TCTN2: variants seen among roughly 807,000 people sequenced by gnomAD.
TCTN2 encodes tectonic family member 2.
Under a neutral mutation model 83.4 loss-of-function variants are expected in TCTN2, and 66 were observed. The ratio of observed to expected loss-of-function variants is 0.79; its 90% CI spans 0.65 to 0.97. TCTN2 has a LOEUF of 0.97. Among genes scored for constraint, TCTN2 ranks in the 50% least tolerant of loss-of-function variants. TCTN2 has a pLI of 0.00. For missense variants in TCTN2, 794 were observed against 858.1 expected, an observed-to-expected ratio of 0.93 and a Z score of 0.93; for synonymous variants, 301 against 326.7, an observed-to-expected ratio of 0.92 and a Z score of 0.85.
At chr12:123,674,844 C>A (rs1300401332) in intron 4 of TCTN2, among the ~76,000 whole-genome samples, 1 of 152,106 alleles carries the variant, frequency 6.6e-6, no homozygotes, top group Admixed American at 6.5e-5. Flanking sequence ...AAGTTTACAT[C>A]ATTTCCAGCT....
chr12:123,676,290 C>G (rs756969500), intron 4 of TCTN2, among the ~76,000 whole-genome samples: 3 of 150,838 alleles, frequency 2.0e-5, no homozygotes, highest in African/African-American at 7.3e-5. Context: ...AAAAAAAGAC[C>G]GGGCGCGGTG....
At chr12:123,688,405 C>T (rs1213069697) in intron 7 of TCTN2, among the ~76,000 whole-genome samples, 2 of 151,870 alleles carry the variant, frequency 1.3e-5, no homozygotes, top group Non-Finnish European at 2.9e-5. Context: ...TTAGTACAGA[C>T]GGGGTTTCAC....
In TCTN2 at chr12:123,675,052, A is replaced by T. The variant is rs201857291; in HGVS notation, c.463+1242A>T. Among the ~76,000 whole-genome samples, 28 of 151,868 alleles carry T rather than the reference A, an allele frequency of 1.8e-4. No homozygotes were observed. The East Asian group carries it at 5.3e-3, about 29-fold the overall frequency. On this transcript the variant is annotated intron_variant, in intron 4 of 17. Coordinates refer to ENST00000303372, the MANE Select transcript of TCTN2 (RefSeq NM_024809.5). ...ACCACCACACCTGGCTAGTTTTTACATTTTTTGTAGAGACAGGGTCTCACT... is the reference window on the plus strand; with the variant it reads ...ACCACCACACCTGGCTAGTTTTTACTTTTTTTGTAGAGACAGGGTCTCACT...
intron 9 of TCTN2, among the ~76,000 whole-genome samples, chr12:123,693,461 T>G (rs1274559543): frequency 8.1e-6 from 1 of 123,100 alleles, no homozygotes; most frequent in Non-Finnish European, 1.8e-5. Context: ...CAGATTTTTT[T>G]TTTTTTTTTG....
At chr12:123,705,759 C>CT (rs35532522) in intron 15 of TCTN2, among the ~76,000 whole-genome samples, 7,599 of 140,780 alleles carry the variant, frequency 0.054, 336 homozygotes, top group African/African-American at 0.11. Context: ...TTCTTTCTTT[C>CT]TTTTTTTTTT....
At chr12:123,694,755 A>AGGCCAC (rs1956086631) in intron 9 of TCTN2, 87 bp from the exon 10 acceptor site, 1 of 1,311,652 alleles carries the variant, frequency 7.6e-7, no homozygotes, top group African/African-American at 1.5e-5. Context: ...CACTTGGGGA[A>AGGCCAC]GGCCACGCAA....
chr12:123,704,541 C>G lies in TCTN2; in HGVS notation c.1622C>G (p.Ala541Gly), dbSNP rs1400415350. ...CTTAACATTTCTATAGGTGTAGATG[C>G]CCCTGATCCAGGTGCAGACCCGCTG... is the stretch of plus-strand genomic sequence containing the variant. ...DGWLEIIRVDAPDPGADPLAS... is the reference protein window; with the variant it reads ...DGWLEIIRVDGPDPGADPLAS... The change falls in exon 15 of 18, where the codon GCC becomes GGC. Residue 541 changes from alanine to glycine, a missense_variant. Coordinates refer to ENST00000303372, the MANE Select transcript of TCTN2 (RefSeq NM_024809.5). 1 of 1,609,360 alleles carries G rather than the reference C, an allele frequency of 6.2e-7. No homozygotes were observed. Among genetic ancestry groups the G allele is most frequent in the Non-Finnish European group, 8.5e-7 (1 of 1,178,212 alleles).
chr12:123,698,660 G>C (rs1421164891), intron 13 of TCTN2, among the ~76,000 whole-genome samples: 1 of 151,798 alleles, frequency 6.6e-6, no homozygotes, highest in East Asian at 1.9e-4. Context: ...CAAACTGCTG[G>C]GCTCAAACGA....
chr12:123,690,480 T>A, intron 7 of TCTN2, 53 bp from the exon 8 acceptor site: 3 of 1,613,360 alleles, frequency 1.9e-6, no homozygotes, highest in Non-Finnish European at 2.5e-6. Flanking sequence ...TGATCTGTTT[T>A]GTATGATTAG....
At chr12:123,672,157 T>A (rs769275581) in intron 3 of TCTN2, 25 bp downstream of exon 3, 110 of 1,607,856 alleles carry the variant, frequency 6.8e-5, no homozygotes, top group Non-Finnish European at 8.3e-5. Flanking sequence ...AAACCTTCTC[T>A]GTAGCCTGTG....
Position 123,686,927 on chromosome 12 carries a change from G to A in TCTN2, c.656G>A (p.Cys219Tyr). 2 of 1,614,160 alleles carry A rather than the reference G, an allele frequency of 1.2e-6. No homozygotes were observed. The highest frequency in any genetic ancestry group is 1.7e-6 in the Non-Finnish European group (2 of 1,180,034). The change falls in exon 6 of 18, where the codon TGC becomes TAC. Residue 219 changes from cysteine to tyrosine, a missense_variant. Coordinates refer to ENST00000303372, the MANE Select transcript of TCTN2 (RefSeq NM_024809.5). ...GTCAATCCTCCTTTTGATCAGCTCT[G>A]CTCTGCTGGGACGACGACACGTGGT... is the stretch of plus-strand genomic sequence containing the variant. ...GDVNPPFDQL[C>Y]SAGTTTRGVP...
intron 3 of TCTN2, among the ~76,000 whole-genome samples, chr12:123,673,209 G>A (rs1388995053): frequency 6.6e-6 from 1 of 152,196 alleles, no homozygotes; most frequent in Non-Finnish European, 1.5e-5. Context: ...GGAAAGACAA[G>A]CTCTGCTTGT....
intron 14 of TCTN2, chr12:123,700,161 G>A (rs552582023): frequency 8.0e-5 from 32 of 398,528 alleles, no homozygotes; most frequent in East Asian, 2.9e-4. Flanking sequence ...ACAGGTGTGC[G>A]CCACCACATC....
At chr12:123,673,043 C>T (rs1007863775) in intron 3 of TCTN2, among the ~76,000 whole-genome samples, 8 of 151,688 alleles carry the variant, frequency 5.3e-5, no homozygotes, top group African/African-American at 2.4e-5. Flanking sequence ...AGCGAGACTC[C>T]GTCTCAAAAA....
At chr12:123,697,258 C>CT in intron 13 of TCTN2, 60 bp downstream of exon 13, 1 of 1,203,122 alleles carries the variant, frequency 8.3e-7, no homozygotes, top group Non-Finnish European at 1.2e-6. Flanking sequence ...AATTAATTCA[C>CT]TACATGAATA....
At chr12:123,699,216 C>T (rs915451382) in intron 13 of TCTN2, among the ~76,000 whole-genome samples, 3 of 150,508 alleles carry the variant, frequency 2.0e-5, no homozygotes, top group Admixed American at 6.6e-5. Context: ...TGCAGTGGTA[C>T]GATCTCAGCT....
At chr12:123,690,288 G>T (rs1231114123) in intron 7 of TCTN2, among the ~76,000 whole-genome samples, 1 of 152,156 alleles carries the variant, frequency 6.6e-6, no homozygotes, top group South Asian at 2.1e-4. Flanking sequence ...CAGGACAAGG[G>T]ATTTTCTTTG....
intron 5 of TCTN2, among the ~76,000 whole-genome samples, chr12:123,685,797 C>T (rs1325885925): frequency 6.7e-6 from 1 of 148,844 alleles, no homozygotes; most frequent in Non-Finnish European, 1.5e-5. Flanking sequence ...CCAATCATGG[C>T]TCACTGCAGC....
chr12:123,673,274 T>G (rs1378936817), intron 3 of TCTN2, among the ~76,000 whole-genome samples: 1 of 152,178 alleles, frequency 6.6e-6, no homozygotes, highest in Non-Finnish European at 1.5e-5. Context: ...AACTGAGGAT[T>G]GTTTTCATTG....
Sources: gnomAD v4.1 joint callset for allele counts (sites outside exome capture counted in the v4.1 genomes callset) on GRCh38, gnomAD v4.1.1 for gene constraint, MANE v1.5 for transcripts, NCBI Gene and HGNC (gene_info 2026-07-23, HGNC 2026-07-21) for gene names.